The following MYBPC1 variants were observed in gnomAD, a reference collection of about 807,000 sequenced individuals.
MYBPC1 encodes the protein myosin-binding protein C, slow-type.
MYBPC1 carries 52 observed loss-of-function variants against 147.1 expected under a neutral mutation model. That is an observed-to-expected ratio of 0.35 (90% CI 0.28 to 0.45). MYBPC1 has a LOEUF of 0.45. Ranked by LOEUF, MYBPC1 falls within the 20% of genes least tolerant of loss-of-function variation. The pLI, the probability that MYBPC1 is intolerant of heterozygous loss-of-function variation, is 1.00. For missense variants in MYBPC1, 1,228 were observed against 1,440.3 expected, an observed-to-expected ratio of 0.85 and a Z score of 2.39; for synonymous variants, 477 against 475.9, an observed-to-expected ratio of 1.00 and a Z score of -0.03.
chr12:101,611,971 G>A (rs1884445663), intron 1 of MYBPC1, among the ~76,000 whole-genome samples: 1 of 151,960 alleles, frequency 6.6e-6, no homozygotes, highest in South Asian at 2.1e-4. Context: ...CAGCTACTCG[G>A]GAGGCTGAGG....
chr12:101,659,884 C>A, intron 19 of MYBPC1, 53 bp downstream of exon 19: 1 of 1,596,210 alleles, frequency 6.3e-7, no homozygotes, highest in South Asian at 1.1e-5. Flanking sequence ...TGTCAAGATT[C>A]AGAGTAGACT....
At chr12:101,682,473 A>G in intron 29 of MYBPC1, 131 bp from the exon 30 acceptor site, 1 of 809,656 alleles carries the variant, frequency 1.2e-6, no homozygotes, top group South Asian at 1.6e-5. Context: ...TCCTAAAAGT[A>G]AAGCTGAAAT....
At chr12:101,600,349 C>T (rs532769006) in intron 1 of MYBPC1, 10 of 151,542 alleles carry the variant, frequency 6.6e-5, no homozygotes, top group African/African-American at 2.4e-4. Context: ...ATAGAGTTTC[C>T]TTTTTAACAG....
downstream of MYBPC1, among the ~76,000 whole-genome samples, chr12:101,688,430 T>G (rs760258020): frequency 1.3e-5 from 2 of 151,912 alleles, no homozygotes; most frequent in African/African-American, 2.4e-5. Flanking sequence ...AAAAAAAATT[T>G]TTTTTAAGGT....
chr12:101,679,959 C>T (rs1460214312), intron 28 of MYBPC1, among the ~76,000 whole-genome samples: 1 of 152,200 alleles, frequency 6.6e-6, no homozygotes, highest in Non-Finnish European at 1.5e-5. Context: ...TATATGTACA[C>T]ATTGTGTAAT....
At chr12:101,688,127 TA>T (rs938185613), downstream of MYBPC1, among the ~76,000 whole-genome samples, 2 of 152,194 alleles carry the variant, frequency 1.3e-5, no homozygotes, top group African/African-American at 4.8e-5. Context: ...AAACATTCAT[TA>T]AAAATTTTAG....
intron 6 of MYBPC1, among the ~76,000 whole-genome samples, chr12:101,630,684 C>T (rs1036454266): frequency 3.9e-5 from 6 of 152,274 alleles, no homozygotes; most frequent in African/African-American, 1.4e-4. Context: ...CTGTTTTAGG[C>T]ACTGAGTATA....
At chr12:101,642,329 T>G (rs905916732) in intron 10 of MYBPC1, 90 bp from the exon 11 acceptor site, 5 of 1,385,294 alleles carry the variant, frequency 3.6e-6, no homozygotes, top group Non-Finnish European at 5.1e-6. Context: ...TTTTTTACAC[T>G]GAACTGAAAA....
intron 17 of MYBPC1, 85 bp from the exon 18 acceptor site, chr12:101,653,030 A>T: frequency 1.3e-6 from 2 of 1,513,058 alleles, no homozygotes; most frequent in Non-Finnish European, 1.8e-6. Flanking sequence ...AATATTGGTT[A>T]CTACCATCAT....
intron 1 of MYBPC1, among the ~76,000 whole-genome samples, chr12:101,595,674 C>T (rs766579223): frequency 6.6e-6 from 1 of 151,946 alleles, no homozygotes; most frequent in African/African-American, 2.4e-5. Flanking sequence ...GAAAACCAAA[C>T]ACCTGATAAA....
At chr12:101,668,878 G>A (rs1334436216) in intron 23 of MYBPC1, among the ~76,000 whole-genome samples, 2 of 152,130 alleles carry the variant, frequency 1.3e-5, no homozygotes, top group Non-Finnish European at 2.9e-5. Flanking sequence ...CTTAAGCCCA[G>A]GAGTTTGAGA....
chr12:101,632,452 C>T (rs1782731216), intron 8 of MYBPC1, among the ~76,000 whole-genome samples: 1 of 152,102 alleles, frequency 6.6e-6, no homozygotes, highest in Non-Finnish European at 1.5e-5. Flanking sequence ...CACTTTCCCA[C>T]TTAGGTTTGG....
intron 24 of MYBPC1, among the ~76,000 whole-genome samples, chr12:101,670,739 C>T (rs191747813): frequency 1.3e-5 from 2 of 152,266 alleles, no homozygotes; most frequent in South Asian, 2.1e-4. Flanking sequence ...TGGTCCTATA[C>T]GTTTGTAAAA....
At position 101,662,450 on chromosome 12, in the gene MYBPC1, A is replaced by G; in HGVS notation, c.2125A>G (p.Met709Val). The G allele has an allele frequency of 6.2e-7, 1 of 1,614,250 alleles. No individual in the cohort carries two copies. The highest frequency in any genetic ancestry group is 2.2e-5 in the East Asian group (1 of 44,890). The change falls in exon 21 of 32, where the codon ATG becomes GTG. Residue 709 changes from methionine (M) to valine (V), a missense_variant. Physicochemically the swap from Met to Val is conservative, Grantham distance 21. Transcript: ENST00000361466. Reference protein sequence around the residue: ...CKETTFEPKKMIEGVAYEVRI... With the variant: ...CKETTFEPKKVIEGVAYEVRI... Reference sequence around the variant, plus strand: ...AGAAACAACTTTTGAGCCCAAGAAGATGATTGAAGGTGTGGCCTATGAGGT... The same window carrying G: ...AGAAACAACTTTTGAGCCCAAGAAGGTGATTGAAGGTGTGGCCTATGAGGT...
Position 101,673,619 on chromosome 12 carries a change from A to T in MYBPC1, c.2806A>T (p.Ile936Phe). 7 of 1,614,182 alleles carry T rather than the reference A, an allele frequency of 4.3e-6. No individual in the cohort carries two copies. In the South Asian group the frequency reaches 6.6e-5, roughly 15 times the overall value. Reference sequence around the variant, plus strand: ...GACCGCATCAATTGACATCCAGATCATTGGTAGGTTTAGATGAAGGAGCCA... The same window carrying T: ...GACCGCATCAATTGACATCCAGATCTTTGGTAGGTTTAGATGAAGGAGCCA... The part of the protein sequence containing the change: ...VETASIDIQI[I>F]DRPGPPQIVK... The change falls in exon 25 of 32, where the codon ATT (isoleucine) becomes TTT (phenylalanine). Residue 936 changes from isoleucine to phenylalanine, a missense_variant. This residue lies in a region of MYBPC1 where 1,077 missense variants were observed against 1,314.2 expected (regional missense o/e 0.82). Coordinates refer to ENST00000361466, the MANE Select transcript of MYBPC1 (RefSeq NM_002465.4).
intron 8 of MYBPC1, 83 bp from the exon 9 acceptor site, chr12:101,634,467 TAAAG>T (rs2136093368): frequency 4.5e-6 from 5 of 1,108,578 alleles, no homozygotes; most frequent in South Asian, 3.8e-5. Context: ...TTCTTCCATC[TAAAG>T]AATCCCCACA....
intron 3 of MYBPC1, among the ~76,000 whole-genome samples, chr12:101,620,287 A>G (rs1481601055): frequency 6.6e-6 from 1 of 152,248 alleles, no homozygotes; most frequent in Non-Finnish European, 1.5e-5. Context: ...GAATTCTTTC[A>G]TAATAATTAT....
intron 3 of MYBPC1, among the ~76,000 whole-genome samples, chr12:101,621,224 T>TACATTAC (rs1323379808): frequency 6.6e-6 from 1 of 152,242 alleles, no homozygotes; most frequent in African/African-American, 2.4e-5. Context: ...GTATTCTAAT[T>TACATTAC]ACATTACTTC....
chr12:101,687,070 T>A (rs1951358867), downstream of MYBPC1, among the ~76,000 whole-genome samples: 1 of 151,868 alleles, frequency 6.6e-6, no homozygotes, highest in Admixed American at 6.6e-5. Flanking sequence ...ATTGTTTTTA[T>A]ATATATATAT....
Sources: gnomAD v4.1 joint callset for allele counts (sites outside exome capture counted in the v4.1 genomes callset) on GRCh38, gnomAD v4.1.1 for gene constraint, gnomAD v4.1.1 regional missense constraint, MANE v1.5 for transcripts, NCBI Gene and HGNC (gene_info 2026-07-23, HGNC 2026-07-21) for gene names.